Variants in MIGA1 observed in about 807,000 individuals in gnomAD.
MIGA1 encodes the protein family with sequence similarity 73, member A.
MIGA1 carries 58 observed loss-of-function variants against 82.0 expected under a neutral mutation model. The observed-to-expected ratio is 0.71, with a 90% CI of 0.57 to 0.88. The LOEUF (loss-of-function observed/expected upper bound fraction) is 0.88. Ranked by LOEUF, MIGA1 falls within the 40% of genes least tolerant of loss-of-function variation. The pLI, the probability that MIGA1 is intolerant of heterozygous loss-of-function variation, is 0.00. For synonymous variants in MIGA1, 249 were observed against 253.6 expected (o/e 0.98, Z 0.17); for missense variants, 751 against 749.1 (o/e 1.00, Z -0.03).
chr1:77,856,067 T>C (rs1316986113), intron 8 of MIGA1, among the ~76,000 whole-genome samples: 1 of 152,196 alleles, frequency 6.6e-6, no homozygotes, highest in East Asian at 1.9e-4. Flanking sequence ...GGTATGTCCC[T>C]TGTATGCCGA....
chr1:77,865,877 T>G (rs1464588015), intron 13 of MIGA1, among the ~76,000 whole-genome samples: 2 of 152,150 alleles, frequency 1.3e-5, no homozygotes, highest in Non-Finnish European at 2.9e-5. Context: ...CATTAATATT[T>G]TCAAACAATG....
intron 7 of MIGA1, among the ~76,000 whole-genome samples, chr1:77,818,553 A>G (rs1029046899): frequency 1.3e-5 from 2 of 152,196 alleles, no homozygotes; most frequent in African/African-American, 4.8e-5. Flanking sequence ...ATTAGTAGCT[A>G]CTATTAACTA....
chr1:77,834,217 C>A (rs1281587123), intron 7 of MIGA1, among the ~76,000 whole-genome samples: 2 of 151,888 alleles, frequency 1.3e-5, no homozygotes, highest in Non-Finnish European at 2.9e-5. Context: ...ACTCTGTTGT[C>A]CAGGCTGGAG....
intron 2 of MIGA1, among the ~76,000 whole-genome samples, chr1:77,795,451 C>T (rs1027966240): frequency 2.0e-5 from 3 of 151,916 alleles, no homozygotes; most frequent in African/African-American, 7.3e-5. Context: ...CCCCCTACCT[C>T]AGCCTCCAAG....
chr1:77,862,946 C>CA (rs533818182), intron 12 of MIGA1, among the ~76,000 whole-genome samples: 4,140 of 87,420 alleles, frequency 0.047, 70 homozygotes, highest in Middle Eastern at 0.12. Flanking sequence ...GTCTCAGAAG[C>CA]AAAAAAAAAA....
intron 14 of MIGA1, among the ~76,000 whole-genome samples, chr1:77,871,171 C>T (rs1374332320): frequency 6.7e-6 from 1 of 149,342 alleles, no homozygotes; most frequent in Non-Finnish European, 1.5e-5. Flanking sequence ...ATAATGGGTA[C>T]TCATTAAATG....
intron 8 of MIGA1, chr1:77,853,693 C>CA: frequency 3.8e-6 from 1 of 261,790 alleles, no homozygotes; most frequent in Non-Finnish European, 7.3e-6. Context: ...AACAAAAACC[C>CA]AAAAACAAAC....
At chr1:77,833,845 G>A (rs1466172609) in intron 7 of MIGA1, among the ~76,000 whole-genome samples, 4 of 152,184 alleles carry the variant, frequency 2.6e-5, no homozygotes. Context: ...ACAAAAGGGG[G>A]GAGGGTGTAG....
chr1:77,854,138 T>C (rs1032222755), intron 8 of MIGA1, among the ~76,000 whole-genome samples: 13 of 152,336 alleles, frequency 8.5e-5, no homozygotes, highest in South Asian at 4.1e-4. Flanking sequence ...GAACATATGA[T>C]GTTTGGTTTT....
rs763347931 is a variant in MIGA1, at chr1:77,813,831, G to A, written c.735G>A (p.Leu245=). 5 of 1,614,196 alleles carry A rather than the reference G, an allele frequency of 3.1e-6. 1 individual carries two copies. The South Asian group carries it at 5.5e-5, about 18-fold the overall frequency. Reference sequence around the variant, plus strand: ...ATGAAGCCTGTGGTTCCATTAAACTGGGTGCAGGAGATGCCATTGCTGAAG... The same window carrying A: ...ATGAAGCCTGTGGTTCCATTAAACTAGGTGCAGGAGATGCCATTGCTGAAG... The change falls in exon 6 of 16, where the codon CTG becomes CTA. Residue 245 remains leucine, a synonymous_variant. Coordinates refer to ENST00000370791, the MANE Select transcript of MIGA1 (RefSeq NM_198549.4).
chr1:77,830,604 C>A (rs1459224629), intron 7 of MIGA1, among the ~76,000 whole-genome samples: 1 of 152,058 alleles, frequency 6.6e-6, no homozygotes, highest in African/African-American at 2.4e-5. Flanking sequence ...GCAACCCTGC[C>A]CTATCTCACC....
At position 77,803,394 on chromosome 1, in the gene MIGA1, G is replaced by T; in HGVS notation, c.498G>T (p.Gln166His). Residue 166 changes from glutamine to histidine, a missense_variant, in exon 4 of 16, where the codon CAG becomes CAT. Transcript: ENST00000370791. Reference sequence around the variant, plus strand: ...TCAGTAAATATTCAGGTTCTGCACAGAGTTTGGCCTCTGTAAGTACAGAAA... The same window carrying T: ...TCAGTAAATATTCAGGTTCTGCACATAGTTTGGCCTCTGTAAGTACAGAAA... The T allele has an allele frequency of 1.3e-6, 2 of 1,519,026 alleles. No homozygotes were observed. The highest frequency in any genetic ancestry group is 8.8e-7 in the Non-Finnish European group (1 of 1,135,610). The allele number at this position is 1,519,026 out of a possible 1,614,324, so 94.1% of individuals were successfully genotyped here. A position where few individuals can be genotyped will look rare whatever the true frequency, so the allele number is the denominator to read the frequency against.
At chr1:77,780,385 GT>G (rs1418442691) in intron 1 of MIGA1, among the ~76,000 whole-genome samples, 1 of 152,182 alleles carries the variant, frequency 6.6e-6, no homozygotes, top group Non-Finnish European at 1.5e-5. Context: ...GACTCAGCTT[GT>G]TTTTGCACAG....
intron 5 of MIGA1, among the ~76,000 whole-genome samples, chr1:77,808,054 A>G (rs1683171810): frequency 6.6e-6 from 1 of 151,292 alleles, no homozygotes; most frequent in South Asian, 2.1e-4. Flanking sequence ...TCCTGAGCTC[A>G]GTTGATTTAC....
At chr1:77,869,132 G>T (rs1409249216) in intron 14 of MIGA1, among the ~76,000 whole-genome samples, 3 of 149,216 alleles carry the variant, frequency 2.0e-5, no homozygotes, top group Admixed American at 6.7e-5. Context: ...AGATTAGGGA[G>T]TGGTGATGAC....
At chr1:77,834,173 A>C (rs1219839466) in intron 7 of MIGA1, among the ~76,000 whole-genome samples, 2 of 151,672 alleles carry the variant, frequency 1.3e-5, no homozygotes, top group Non-Finnish European at 2.9e-5. Context: ...ATCATATATA[A>C]CTTTTTTTTT....
Position 77,876,990 on chromosome 1 carries a change from A to C in MIGA1, c.*1926A>C, listed in dbSNP as rs1045038628. The stretch of plus-strand genomic sequence containing the variant: ...TCATTTTAGGAGTGAGTTGCACAAA[A>C]GGACCTAAAATGCATTGTTTTTTGC... On this transcript the variant is annotated 3_prime_UTR_variant, in exon 16 of 16. Coordinates refer to ENST00000370791, the MANE Select transcript of MIGA1 (RefSeq NM_198549.4). 2 of 152,170 alleles carry C rather than the reference A, an allele frequency of 1.3e-5. No individual in the cohort carries two copies. The highest frequency in any genetic ancestry group is 2.4e-5 in the African/African-American group (1 of 41,432). 9.4% of individuals were successfully genotyped at this position (152,170 alleles called of 1,614,324 possible). A position where few individuals can be genotyped will look rare whatever the true frequency, so the allele number is the denominator to read the frequency against.
At chr1:77,814,359 A>G (rs937020275) in intron 6 of MIGA1, among the ~76,000 whole-genome samples, 25 of 152,216 alleles carry the variant, frequency 1.6e-4, no homozygotes, top group Non-Finnish European at 3.4e-4. Context: ...CTTTCCCAGG[A>G]TATGCAAAAT....
intron 11 of MIGA1, 89 bp downstream of exon 11, chr1:77,860,215 A>G: frequency 1.1e-6 from 1 of 894,924 alleles, no homozygotes; most frequent in Non-Finnish European, 1.7e-6. Context: ...AATTTTTGAT[A>G]GAAGAAAAAT....
Sources: allele counts gnomAD v4.1 joint callset (sites outside exome capture counted in the v4.1 genomes callset), GRCh38; gene constraint gnomAD v4.1.1; transcripts MANE v1.5; gene names NCBI Gene and HGNC (gene_info 2026-07-23, HGNC 2026-07-21).